The following RASA1 variants were observed in gnomAD, a reference collection of about 807,000 sequenced individuals.
RASA1 encodes the protein ras GTPase-activating protein 1.
Under a neutral mutation model 132.2 loss-of-function variants are expected in RASA1, and 25 were observed. That is an observed-to-expected ratio of 0.19 (90% CI 0.14 to 0.26). The LOEUF is 0.26. Ranked by LOEUF, RASA1 falls within the 10% of genes least tolerant of loss-of-function variation. The pLI, the probability that RASA1 is intolerant of heterozygous loss-of-function variation, is 1.00. For synonymous variants in RASA1, 477 were observed against 449.9 expected (o/e 1.06, Z -0.76); for missense variants, 964 against 1,299.2 (o/e 0.74, Z 3.97).
rs577004254 is a variant in RASA1, at chr5:87,314,136, G to A, written c.540-17212G>A. 4.2e-3 allele frequency among the ~76,000 whole-genome samples: 635 copies of A among 152,214 alleles called. 2 individuals carry two copies. Among genetic ancestry groups the A allele is most frequent in the African/African-American group, 0.014 (599 of 41,528 alleles). ...TGCGGTGAGTCAAGATCATGCCATTGCACTCCAGCCTGGGCAACAAGAGCA... is the reference window on the plus strand; with the variant it reads ...TGCGGTGAGTCAAGATCATGCCATTACACTCCAGCCTGGGCAACAAGAGCA... On this transcript the variant is annotated intron_variant, in intron 1 of 24. Transcript: ENST00000274376.
chr5:87,367,645 C>T (rs1760623932), intron 11 of RASA1, among the ~76,000 whole-genome samples: 1 of 152,204 alleles, frequency 6.6e-6, no homozygotes, highest in Non-Finnish European at 1.5e-5. Flanking sequence ...CTTAGTGACA[C>T]AAAGTTATTC....
chr5:87,287,050 TA>T (rs1754617079), intron 1 of RASA1, among the ~76,000 whole-genome samples: 1 of 147,442 alleles, frequency 6.8e-6, no homozygotes, highest in African/African-American at 2.5e-5. Context: ...ACACCATATA[TA>T]TACCCCATGT....
At chr5:87,300,009 A>G (rs534214775) in intron 1 of RASA1, among the ~76,000 whole-genome samples, 2 of 152,308 alleles carry the variant, frequency 1.3e-5, no homozygotes, top group African/African-American at 4.8e-5. Context: ...TTTGGACACT[A>G]TAATATGTGG....
intron 1 of RASA1, among the ~76,000 whole-genome samples, chr5:87,328,500 T>A (rs946409564): frequency 4.6e-5 from 7 of 152,226 alleles, no homozygotes; most frequent in African/African-American, 7.2e-5. Context: ...GTAGCATTTT[T>A]AAAAATTGAG....
chr5:87,269,526 A>T (rs1753729419), intron 1 of RASA1, among the ~76,000 whole-genome samples: 1 of 152,234 alleles, frequency 6.6e-6, no homozygotes, highest in African/African-American at 2.4e-5. Context: ...GGGTCACTTA[A>T]TGAGAACTTG....
At chr5:87,309,284 C>CA (rs1409090469) in intron 1 of RASA1, among the ~76,000 whole-genome samples, 8 of 151,964 alleles carry the variant, frequency 5.3e-5, no homozygotes, top group Non-Finnish European at 1.0e-4. Flanking sequence ...ATGATACATA[C>CA]ATAAATAGTA....
At chr5:87,383,677 C>CA in intron 20 of RASA1, 36 bp from the exon 21 acceptor site, 2 of 1,218,192 alleles carry the variant, frequency 1.6e-6, no homozygotes, top group Non-Finnish European at 1.2e-6. Flanking sequence ...TAGGTGTTTT[C>CA]TAAAAAAAAA....
intron 5 of RASA1, among the ~76,000 whole-genome samples, chr5:87,340,283 C>T (rs867771275): frequency 1.3e-5 from 2 of 152,026 alleles, no homozygotes; most frequent in African/African-American, 4.8e-5. Flanking sequence ...AAATTGTTTC[C>T]TTCTGTATTT....
At chr5:87,283,411 A>T (rs1429857498) in intron 1 of RASA1, among the ~76,000 whole-genome samples, 1 of 151,562 alleles carries the variant, frequency 6.6e-6, no homozygotes, top group East Asian at 1.9e-4. Flanking sequence ...GTGAGTTTTG[A>T]TTGTATGTTG....
rs370069384 is a variant in RASA1, at chr5:87,372,124, A to T, written c.1705A>T (p.Met569Leu). 4.3e-6 allele frequency: 7 copies of T among 1,613,352 alleles called. No homozygotes were observed. The highest frequency in any genetic ancestry group is 5.9e-6 in the Non-Finnish European group (7 of 1,179,626). ...GETPEQAEDW[M>L]KGLQAFCNLR... ...GTGCTGTTTTTCTTTGCAGGATTGG[A>T]TGAAAGGTCTGCAGGCATTTTGCAA... is the stretch of plus-strand genomic sequence containing the variant. Residue 569 changes from methionine to leucine, a missense_variant, in exon 13 of 25, where the codon ATG becomes TTG. Transcript: ENST00000274376.
At chr5:87,332,707 A>G (rs1333784524) in intron 3 of RASA1, 65 bp downstream of exon 3, 6 of 1,446,302 alleles carry the variant, frequency 4.1e-6, no homozygotes, top group African/African-American at 2.8e-5. Flanking sequence ...GGTTTTAGCT[A>G]TTGCTCAGTT....
intron 7 of RASA1, among the ~76,000 whole-genome samples, chr5:87,347,790 C>T (rs1370597327): frequency 6.6e-6 from 1 of 151,934 alleles, no homozygotes; most frequent in Admixed American, 6.6e-5. Context: ...GACATTCTGT[C>T]AGCTATTTCA....
At chr5:87,303,630 G>A (rs113401642) in intron 1 of RASA1, among the ~76,000 whole-genome samples, 190 of 152,046 alleles carry the variant, frequency 1.2e-3, no homozygotes, top group African/African-American at 4.4e-3. Context: ...TCCCTTGAGA[G>A]AACATACTCT....
At chr5:87,363,266 A>C in intron 10 of RASA1, 82 bp from the exon 11 acceptor site, 2 of 1,274,680 alleles carry the variant, frequency 1.6e-6, no homozygotes, top group East Asian at 4.9e-5. Flanking sequence ...ATTGATTCAT[A>C]TTTTTAGAAA....
At chr5:87,282,185 CTTCT>C (rs1754349142) in intron 1 of RASA1, among the ~76,000 whole-genome samples, 1 of 151,544 alleles carries the variant, frequency 6.6e-6, no homozygotes, top group Non-Finnish European at 1.5e-5. Flanking sequence ...ATTGTTTTTT[CTTCT>C]TTCTTGGTGT....
At chr5:87,288,629 T>C (rs190067850) in intron 1 of RASA1, among the ~76,000 whole-genome samples, 6 of 152,274 alleles carry the variant, frequency 3.9e-5, no homozygotes, top group Admixed American at 6.5e-5. Flanking sequence ...GTGGGCTTTT[T>C]TTAGCCCAAG....
chr5:87,332,374 G>T lies in RASA1; in HGVS notation c.693-133G>T, dbSNP rs144964372. On this transcript the variant is annotated intron_variant, in intron 2 of 24. Transcript: ENST00000274376. ...ACTGTGATGAAGATACTAATAAGTG[G>T]TATTTTAGTATAAGGATATAGTTAC... is the stretch of plus-strand genomic sequence containing the variant. 2.5e-4 allele frequency: 215 copies of T among 856,670 alleles called. No individual in the cohort carries two copies. In the East Asian group the frequency reaches 5.1e-3, roughly 20 times the overall value. 53.1% of individuals were successfully genotyped at this position (856,670 alleles called of 1,614,324 possible).
intron 1 of RASA1, among the ~76,000 whole-genome samples, chr5:87,307,901 C>T (rs1218197150): frequency 6.6e-6 from 1 of 152,122 alleles, no homozygotes; most frequent in Admixed American, 6.6e-5. Context: ...TGATCATTTG[C>T]TGTAGAGGAT....
intron 5 of RASA1, 113 bp downstream of exon 5, chr5:87,338,204 A>G: frequency 6.6e-7 from 1 of 1,510,886 alleles, no homozygotes; most frequent in Non-Finnish European, 9.0e-7. Context: ...AAAAGAACTT[A>G]ATTGATAAGT....
Sources: allele counts gnomAD v4.1 joint callset (sites outside exome capture counted in the v4.1 genomes callset), GRCh38; gene constraint gnomAD v4.1.1; transcripts MANE v1.5; gene names NCBI Gene and HGNC (gene_info 2026-07-23, HGNC 2026-07-21).